Variants in XPO6 observed in about 807,000 individuals in gnomAD.
The protein encoded by XPO6 is exportin 6, also known as exportin-6.
In XPO6, 3 loss-of-function variants were observed where a neutral mutation model predicts 130.0. That is an observed-to-expected ratio of 0.02 (90% CI 0.01 to 0.06). The LOEUF is 0.06. Ranked by LOEUF, XPO6 falls within the 10% of genes least tolerant of loss-of-function variation. The pLI is 1.00. For synonymous variants in XPO6, 524 were observed against 548.9 expected, an observed-to-expected ratio of 0.95 and a Z score of 0.63; for missense variants, 970 against 1,393.0, an observed-to-expected ratio of 0.70 and a Z score of 4.83.
chr16:28,175,885 G>A lies in XPO6; in HGVS notation c.405+13C>T. 1 of 1,610,436 alleles carries A rather than the reference G, an allele frequency of 6.2e-7. No homozygotes were observed. The highest frequency in any genetic ancestry group is 2.2e-5 in the East Asian group (1 of 44,838). On this transcript the variant is annotated intron_variant, in intron 4 of 23. Transcript: ENST00000304658. ...CTATTCACAAGATAAAGTTTCCTTA[G>A]GCATATCCTTACCTGTAAAATGTTA...
intron 6 of XPO6, among the ~76,000 whole-genome samples, chr16:28,160,043 G>A (rs1471818026): frequency 6.6e-6 from 1 of 151,502 alleles, no homozygotes; most frequent in Non-Finnish European, 1.5e-5. Flanking sequence ...AAATTAGCTG[G>A]GCGTGGTGGT....
At chr16:28,137,940 C>T (rs530856896) in intron 9 of XPO6, among the ~76,000 whole-genome samples, 3 of 152,124 alleles carry the variant, frequency 2.0e-5, no homozygotes, top group Admixed American at 6.5e-5. Context: ...ATTTAGCTCC[C>T]GACAGCTCGT....
chr16:28,163,830 T>C (rs1406277377), intron 6 of XPO6, among the ~76,000 whole-genome samples: 2 of 152,028 alleles, frequency 1.3e-5, no homozygotes, highest in Admixed American at 6.6e-5. Flanking sequence ...AATTCTAGGG[T>C]TCTGGTAGGG....
chr16:28,173,979 C>T (rs1008353591), intron 4 of XPO6, among the ~76,000 whole-genome samples: 10 of 152,142 alleles, frequency 6.6e-5, no homozygotes, highest in South Asian at 4.1e-4. Flanking sequence ...TGTCACAGGA[C>T]GCACCACTAA....
chr16:28,109,737 T>C (rs2086873428), intron 17 of XPO6, among the ~76,000 whole-genome samples: 2 of 152,220 alleles, frequency 1.3e-5, no homozygotes, highest in Admixed American at 1.3e-4. Flanking sequence ...AAAACTATCC[T>C]AGATTACATC....
chr16:28,176,664 AT>A (rs34096451), intron 3 of XPO6, among the ~76,000 whole-genome samples: 2,201 of 134,560 alleles, frequency 0.016, 10 homozygotes, highest in African/African-American at 0.024. Flanking sequence ...CGCCCGGCTA[AT>A]TTTTTTTTTT....
At chr16:28,143,253 C>A (rs954938091) in intron 9 of XPO6, among the ~76,000 whole-genome samples, 1 of 152,196 alleles carries the variant, frequency 6.6e-6, no homozygotes, top group Admixed American at 6.5e-5. Context: ...GTCCAGGGGC[C>A]ATGCCACCTA....
chr16:28,134,814 C>G (rs963297279), intron 10 of XPO6, among the ~76,000 whole-genome samples: 2 of 152,174 alleles, frequency 1.3e-5, no homozygotes, highest in Non-Finnish European at 2.9e-5. Flanking sequence ...AACAGACTTC[C>G]TTTCATTCTA....
intron 1 of XPO6, among the ~76,000 whole-genome samples, chr16:28,209,961 A>C (rs2044099800): frequency 6.6e-6 from 1 of 151,700 alleles, no homozygotes; most frequent in Non-Finnish European, 1.5e-5. Flanking sequence ...ACGTGGTGAG[A>C]CCTCATCTCC....
rs138972359 is a variant in XPO6, at chr16:28,209,928, C to T, written c.3+1438G>A. Among the ~76,000 whole-genome samples the T allele has an allele frequency of 5.2e-3, 792 of 152,082 alleles. 4 individuals are homozygous for T. The highest frequency in any genetic ancestry group is 0.018 in the African/African-American group (749 of 41,498). On this transcript the variant is annotated intron_variant, in intron 1 of 23. Coordinates refer to ENST00000304658, the MANE Select transcript of XPO6 (RefSeq NM_015171.4). ...CTGAGGAGGACGGATCACTTGAGCT[C>T]AGGTTCAAGACCAGCCTGGGGAACG...
chr16:28,182,385 C>T (rs2043631471), intron 1 of XPO6, among the ~76,000 whole-genome samples: 1 of 152,128 alleles, frequency 6.6e-6, no homozygotes, highest in South Asian at 2.1e-4. Flanking sequence ...GTGTGCACAC[C>T]AACCAACACA....
intron 7 of XPO6, chr16:28,154,452 AAAAGGCAGT>A: frequency 3.8e-6 from 1 of 260,108 alleles, no homozygotes; most frequent in Non-Finnish European, 6.0e-6. Context: ...AAGTTAGGGG[AAAAGGCAGT>A]AGAGGGAAAG....
intron 4 of XPO6, among the ~76,000 whole-genome samples, chr16:28,172,694 TATAACAAAAAC>T (rs1377823195): frequency 1.3e-5 from 2 of 151,898 alleles, no homozygotes; most frequent in African/African-American, 2.4e-5. Context: ...TCACCACAAT[TATAACAAAAAC>T]TGCATAGATA....
In XPO6 at chr16:28,156,477, T is replaced by G; in HGVS notation, c.694A>C (p.Asn232His). 1 of 1,603,478 alleles carries G rather than the reference T, an allele frequency of 6.2e-7. No individual in the cohort carries two copies. The highest frequency in any genetic ancestry group is 1.1e-5 in the South Asian group (1 of 90,254). Reference sequence around the variant, plus strand: ...ACATCAAGGATGGGAATTGGCTGATTCAACAGTTTGGCTGAACTGGGACTC... The same window carrying G: ...ACATCAAGGATGGGAATTGGCTGATGCAACAGTTTGGCTGAACTGGGACTC... ...LQSPSSAKLL[N>H]QPIPILDVES... Residue 232 changes from asparagine (N) to histidine (H), a missense_variant, in exon 7 of 24, where the codon AAT becomes CAT. Coordinates refer to ENST00000304658, the MANE Select transcript of XPO6 (RefSeq NM_015171.4).
At chr16:28,170,094 TGGC>T (rs1191910523) in intron 4 of XPO6, among the ~76,000 whole-genome samples, 185 bp from the exon 5 acceptor site, 1 of 151,868 alleles carries the variant, frequency 6.6e-6, no homozygotes, top group African/African-American at 2.4e-5. Context: ...GCACTTTGGG[TGGC>T]TGAGACGGGC....
At chr16:28,186,374 CTTTTT>C (rs60754642) in intron 1 of XPO6, among the ~76,000 whole-genome samples, 2 of 81,442 alleles carry the variant, frequency 2.5e-5, no homozygotes, top group African/African-American at 6.6e-5. Flanking sequence ...CCCAGTTATT[CTTTTT>C]TTTTTTTTTT....
chr16:28,128,209 C>G (rs1373730544), intron 12 of XPO6, among the ~76,000 whole-genome samples: 2 of 152,202 alleles, frequency 1.3e-5, no homozygotes, highest in African/African-American at 2.4e-5. Context: ...GGGTTGACTT[C>G]TAAAACCTGC....
At chr16:28,148,424 G>A (rs74014218) in intron 8 of XPO6, among the ~76,000 whole-genome samples, 8,228 of 152,188 alleles carry the variant, frequency 0.054, 569 homozygotes, top group East Asian at 0.17. Flanking sequence ...TGATGGGCTG[G>A]CTCCATTTTT....
intron 17 of XPO6, 161 bp downstream of exon 17, chr16:28,111,656 T>TAGC: frequency 1.5e-6 from 1 of 653,820 alleles, no homozygotes; most frequent in Admixed American, 3.1e-5. Context: ...ATTCCAAAGG[T>TAGC]AGCAGGATCC....
Sources: gnomAD v4.1 joint callset for allele counts (sites outside exome capture counted in the v4.1 genomes callset) on GRCh38, gnomAD v4.1.1 for gene constraint, MANE v1.5 for transcripts, NCBI Gene and HGNC (gene_info 2026-07-23, HGNC 2026-07-21) for gene names.